The following VRK2 variants were observed in gnomAD, a reference collection of about 807,000 sequenced individuals.
The protein encoded by VRK2 is serine/threonine-protein kinase VRK2.
Under a neutral mutation model 57.6 loss-of-function variants are expected in VRK2, and 60 were observed. The ratio of observed to expected loss-of-function variants is 1.04; its 90% CI spans 0.85 to 1.29. VRK2 has a LOEUF of 1.29. VRK2 is among the 50% of genes most tolerant of loss of function. The probability of loss-of-function intolerance (pLI) is 0.00; values close to 1 mark genes in which losing one functional copy is unlikely to be tolerated. For missense variants in VRK2, 705 were observed against 588.1 expected (o/e 1.20, Z -2.06); for synonymous variants, 231 against 199.2 (o/e 1.16, Z -1.35).
chr2:58,012,322 C>G lies in VRK2; in HGVS notation c.-438-13343C>G, dbSNP rs547947487. 5.3e-5 allele frequency among the ~76,000 whole-genome samples: 8 copies of G among 152,274 alleles called. No homozygotes were observed. In the South Asian group the frequency reaches 1.7e-3, roughly 32 times the overall value. ...ACTTGCTTTCACTTTATTCTATGGA[C>G]TCGCCCTGAATTCTTTCTTGCATGA... On this transcript the variant is annotated intron_variant, in intron 1 of 15. Transcript: ENST00000417641.
At chr2:57,929,389 G>C (rs892269857) in intron 1 of VRK2, among the ~76,000 whole-genome samples, 3 of 152,132 alleles carry the variant, frequency 2.0e-5, no homozygotes, top group Non-Finnish European at 4.4e-5. Context: ...GTTCACTCAA[G>C]GCCCACGTGT....
At chr2:58,135,843 C>T (rs1373396751) in intron 10 of VRK2, among the ~76,000 whole-genome samples, 1 of 152,168 alleles carries the variant, frequency 6.6e-6, no homozygotes, top group East Asian at 1.9e-4. Flanking sequence ...TATGTGCATA[C>T]ACAACATGTT....
At chr2:58,009,231 A>T in intron 1 of VRK2, among the ~76,000 whole-genome samples, 1 of 152,130 alleles carries the variant, frequency 6.6e-6, no homozygotes, top group East Asian at 1.9e-4. Flanking sequence ...TTCCATGATT[A>T]GGAAAATATA....
intron 1 of VRK2, among the ~76,000 whole-genome samples, chr2:57,997,149 C>T (rs1326978405): frequency 6.6e-6 from 1 of 151,868 alleles, no homozygotes; most frequent in African/African-American, 2.4e-5. Flanking sequence ...AATAGATAAT[C>T]GATTTTGTCT....
chr2:58,032,094 AT>A (rs899135597), intron 2 of VRK2, among the ~76,000 whole-genome samples: 63 of 152,170 alleles, frequency 4.1e-4, no homozygotes, highest in African/African-American at 1.4e-3. Flanking sequence ...CTACATAGAA[AT>A]TTTTCTTTCA....
chr2:57,971,201 T>C (rs1345020672), intron 1 of VRK2, among the ~76,000 whole-genome samples: 1 of 151,900 alleles, frequency 6.6e-6, no homozygotes, highest in East Asian at 1.9e-4. Flanking sequence ...TGGGACAAAA[T>C]CCAGAGGAAA....
At chr2:58,137,202 C>CATGTATCATATATGATACATGTA (rs1680549626) in intron 10 of VRK2, among the ~76,000 whole-genome samples, 1 of 27,328 alleles carries the variant, frequency 3.7e-5, no homozygotes, top group East Asian at 1.1e-3. Flanking sequence ...ACATATATAT[C>CATGTATCATATATGATACATGTA]TCATATATGA....
intron 1 of VRK2, among the ~76,000 whole-genome samples, chr2:57,927,911 A>C (rs941743717): frequency 3.3e-5 from 5 of 152,158 alleles, no homozygotes; most frequent in Non-Finnish European, 7.4e-5. Context: ...CTGCTGCCAG[A>C]TGTATTGAAG....
At chr2:58,101,411 C>G (rs1486647906) in intron 7 of VRK2, among the ~76,000 whole-genome samples, 3 of 151,624 alleles carry the variant, frequency 2.0e-5, no homozygotes, top group African/African-American at 4.8e-5. Flanking sequence ...TCTCCAAAAA[C>G]TAAGGACAAT....
chr2:58,012,846 C>G (rs1673454302), intron 1 of VRK2, among the ~76,000 whole-genome samples: 1 of 152,140 alleles, frequency 6.6e-6, no homozygotes, highest in Admixed American at 6.5e-5. Context: ...CGTATTATAT[C>G]TTAATAACAC....
At chr2:58,025,627 C>T (rs1339796445) in intron 1 of VRK2, 2 of 152,152 alleles carry the variant, frequency 1.3e-5, no homozygotes, top group African/African-American at 4.8e-5. Flanking sequence ...TTAGTTCTGA[C>T]AGAGAACCAA....
chr2:58,093,607 T>C (rs1672692137), intron 7 of VRK2, among the ~76,000 whole-genome samples: 1 of 152,218 alleles, frequency 6.6e-6, no homozygotes. Flanking sequence ...TCTCCCATTT[T>C]GTAGGTTGCC....
chr2:57,987,614 A>T (rs1672638267), intron 1 of VRK2, among the ~76,000 whole-genome samples: 3 of 152,330 alleles, frequency 2.0e-5, no homozygotes, highest in South Asian at 2.1e-4. Flanking sequence ...TAAATTAAAC[A>T]TACACGAACC....
chr2:58,154,846 A>C (rs1017335684), intron 12 of VRK2: 1 of 690,088 alleles, frequency 1.4e-6, no homozygotes, highest in Non-Finnish European at 2.7e-6. Flanking sequence ...CCCTGTTTGT[A>C]CTGCATCCTG....
intron 1 of VRK2, among the ~76,000 whole-genome samples, chr2:58,021,074 C>G (rs1673740314): frequency 6.6e-6 from 1 of 152,086 alleles, no homozygotes. Context: ...TTTTGTAATA[C>G]TGATGAATAT....
At position 58,120,184 on chromosome 2, in the gene VRK2, CTTTTTT is replaced by C. The variant is rs397868874; in HGVS notation, c.544-2898_544-2893del. On this transcript the variant is annotated intron_variant, in intron 7 of 12. Coordinates refer to ENST00000340157, the MANE Select transcript of VRK2 (RefSeq NM_006296.7). ...CTTTTTGTCTATTTTTTTTTCTTTT[CTTTTTT>C]TTTTTTTTTTTTTTTTTTGAGACAG... 3.7e-4 allele frequency among the ~76,000 whole-genome samples: 19 copies of C among 51,986 alleles called. 1 individual carries two copies. Among genetic ancestry groups the C allele is most frequent in the South Asian group, 2.0e-3 (3 of 1,526 alleles). The allele number at this position is 51,986 out of a possible 152,430, so 34.1% of individuals were successfully genotyped here. A position where few individuals can be genotyped will look rare whatever the true frequency, so the allele number is the denominator to read the frequency against.
chr2:57,942,049 C>A (rs1480493297), intron 1 of VRK2, among the ~76,000 whole-genome samples: 1 of 152,166 alleles, frequency 6.6e-6, no homozygotes, highest in Non-Finnish European at 1.5e-5. Flanking sequence ...TTCAGTTAAA[C>A]TAATAGGCAG....
chr2:58,157,376 G>T (rs894644120), intron 12 of VRK2, among the ~76,000 whole-genome samples: 1 of 152,102 alleles, frequency 6.6e-6, no homozygotes, highest in Non-Finnish European at 1.5e-5. Flanking sequence ...TGTTGTGGGG[G>T]TGCTGTCCTG....
intron 2 of VRK2, among the ~76,000 whole-genome samples, chr2:58,074,175 G>A (rs188502580): frequency 7.8e-4 from 118 of 151,930 alleles, no homozygotes; most frequent in Middle Eastern, 3.4e-3. Context: ...ATTTATCTGC[G>A]TTTTTATATT....
Sources: allele counts gnomAD v4.1 joint callset (sites outside exome capture counted in the v4.1 genomes callset), GRCh38; gene constraint gnomAD v4.1.1; transcripts MANE v1.5; gene names NCBI Gene and HGNC (gene_info 2026-07-23, HGNC 2026-07-21).